INSYN2A: variants seen among roughly 807,000 people sequenced by gnomAD.
The protein encoded by INSYN2A is family with sequence similarity 196 member A.
Under a neutral mutation model 39.4 loss-of-function variants are expected in INSYN2A, and 17 were observed. The ratio of observed to expected loss-of-function variants is 0.43; its 90% CI spans 0.30 to 0.65. The LOEUF (loss-of-function observed/expected upper bound fraction) is 0.65. Ranked by LOEUF, INSYN2A falls within the 30% of genes least tolerant of loss-of-function variation. The probability of loss-of-function intolerance (pLI) is 0.14; values close to 1 mark genes in which losing one functional copy is unlikely to be tolerated. For synonymous variants in INSYN2A, 255 were observed against 265.7 expected, an observed-to-expected ratio of 0.96 and a Z score of 0.39; for missense variants, 595 against 631.2, an observed-to-expected ratio of 0.94 and a Z score of 0.61.
chr10:127,181,331 G>A (rs543286270), intron 2 of INSYN2A, among the ~76,000 whole-genome samples: 1 of 152,284 alleles, frequency 6.6e-6, no homozygotes, highest in South Asian at 2.1e-4. Flanking sequence ...TAGTCTGAAG[G>A]CAATTTTGTG....
chr10:127,147,474 T>TA (rs1240157287), intron 5 of INSYN2A, among the ~76,000 whole-genome samples: 3 of 152,150 alleles, frequency 2.0e-5, no homozygotes, highest in Non-Finnish European at 4.4e-5. Flanking sequence ...GCCTGCCTTT[T>TA]ACGTCCTTGC....
chr10:127,179,452 GT>G (rs1252727172), intron 2 of INSYN2A, among the ~76,000 whole-genome samples: 1 of 152,162 alleles, frequency 6.6e-6, no homozygotes, highest in African/African-American at 2.4e-5. Flanking sequence ...TAGTAATTGA[GT>G]TCTTATTCTC....
chr10:127,173,865 G>T (rs2054815290), intron 4 of INSYN2A, among the ~76,000 whole-genome samples: 1 of 152,190 alleles, frequency 6.6e-6, no homozygotes, highest in Non-Finnish European at 1.5e-5. Flanking sequence ...GATTACCTAT[G>T]AATCTACTGT....
intron 5 of INSYN2A, among the ~76,000 whole-genome samples, chr10:127,143,596 C>A (rs2051486302): frequency 6.6e-6 from 1 of 152,178 alleles, no homozygotes; most frequent in Admixed American, 6.5e-5. Flanking sequence ...TAGGACCAGC[C>A]ATGTCCCCAA....
intron 2 of INSYN2A, among the ~76,000 whole-genome samples, chr10:127,186,621 G>C (rs1004448407): frequency 6.7e-6 from 1 of 150,298 alleles, no homozygotes; most frequent in African/African-American, 2.5e-5. Context: ...GAGCCAAACC[G>C]TATCAGAGGG....
intron 4 of INSYN2A, among the ~76,000 whole-genome samples, chr10:127,168,227 A>G (rs2054255657): frequency 1.3e-5 from 2 of 152,184 alleles, no homozygotes; most frequent in Admixed American, 1.3e-4. Context: ...AGTGCATGGG[A>G]GGCTGACCTC....
chr10:127,189,928 T>C (rs938432899), intron 2 of INSYN2A, among the ~76,000 whole-genome samples: 1 of 152,220 alleles, frequency 6.6e-6, no homozygotes, highest in Non-Finnish European at 1.5e-5. Flanking sequence ...CGACGTCAAA[T>C]TGAGATGTGA....
In INSYN2A at chr10:127,175,719, C is replaced by T; in HGVS notation, c.677G>A (p.Gly226Glu). 1 of 1,614,042 alleles carries T rather than the reference C, an allele frequency of 6.2e-7. No homozygotes were observed. Among genetic ancestry groups the T allele is most frequent in the Non-Finnish European group, 8.5e-7 (1 of 1,180,034 alleles). ...PSEEPDYQLL[G>E]RAKQDRGRPN... Reference sequence around the variant, plus strand: ...CCTCCCCCGGTCCTGCTTGGCCCTCCCGAGCAGCTGGTAATCGGGCTCTTC... The same window carrying T: ...CCTCCCCCGGTCCTGCTTGGCCCTCTCGAGCAGCTGGTAATCGGGCTCTTC... Residue 226 changes from glycine to glutamate, a missense_variant, in exon 4 of 6, where the codon GGG becomes GAG. Gly to Glu is a moderately conservative substitution (Grantham distance 98). Transcript: ENST00000522781. The surrounding 1 kb of genome is among the most constrained non-coding windows in gnomAD (Gnocchi z 6.3).
intron 2 of INSYN2A, among the ~76,000 whole-genome samples, chr10:127,191,626 C>T (rs750154806): frequency 1.1e-4 from 16 of 152,126 alleles, no homozygotes; most frequent in Non-Finnish European, 2.2e-4. Context: ...CAAGATCCTT[C>T]CTAGAGAAGA....
In INSYN2A at chr10:127,137,664, T is replaced by G. The variant is rs2050815954; in HGVS notation, c.*173A>C. The G allele has an allele frequency of 1.9e-6, 1 of 538,904 alleles. No homozygotes were observed. Among genetic ancestry groups the G allele is most frequent in the Non-Finnish European group, 3.2e-6 (1 of 310,336 alleles). 33.4% of individuals were successfully genotyped at this position (538,904 alleles called of 1,614,324 possible). On this transcript the variant is annotated 3_prime_UTR_variant, in exon 6 of 6. Transcript: ENST00000522781. ...CTGGCAAGGAGTGACACAGAATACC[T>G]TGCTTCTGTTAATTATCTATTGGTA...
Position 127,175,133 on chromosome 10 carries a change from G to T in INSYN2A, c.1184+79C>A. ...AAATGCTGGCTTTAGTCTCATTACA[G>T]ACTTGGGTTTGGGGCTACAGATGGA... On this transcript the variant is annotated intron_variant, in intron 4 of 5. Transcript: ENST00000522781. This position sits in a 1 kb window ranked among gnomAD's most constrained non-coding sequence, Gnocchi z 6.3. The T allele has an allele frequency of 8.0e-7, 1 of 1,249,952 alleles. No individual in the cohort carries two copies. The highest frequency in any genetic ancestry group is 1.1e-6 in the Non-Finnish European group (1 of 880,448). 77.4% of individuals were successfully genotyped at this position (1,249,952 alleles called of 1,614,324 possible).
chr10:127,163,254 C>G (rs772711763), intron 4 of INSYN2A, among the ~76,000 whole-genome samples: 3 of 152,184 alleles, frequency 2.0e-5, no homozygotes, highest in Non-Finnish European at 2.9e-5. Flanking sequence ...TGAGGTGCAT[C>G]AGCAATGCCT....
intron 4 of INSYN2A, among the ~76,000 whole-genome samples, chr10:127,173,556 G>A (rs570263730): frequency 6.6e-6 from 1 of 152,300 alleles, no homozygotes; most frequent in East Asian, 1.9e-4. Context: ...ATGCACATTA[G>A]TGTACATATT....
intron 4 of INSYN2A, among the ~76,000 whole-genome samples, chr10:127,174,123 G>T (rs2054841593): frequency 6.6e-6 from 1 of 152,236 alleles, no homozygotes; most frequent in African/African-American, 2.4e-5. Context: ...TTTGTGCCCA[G>T]GTGGTTTTCT....
At chr10:127,169,217 C>T (rs1416116254) in intron 4 of INSYN2A, among the ~76,000 whole-genome samples, 1 of 152,146 alleles carries the variant, frequency 6.6e-6, no homozygotes, top group Non-Finnish European at 1.5e-5. Flanking sequence ...AGTTCCAAAG[C>T]AGGACCCCAG....
intron 2 of INSYN2A, among the ~76,000 whole-genome samples, chr10:127,180,080 A>G (rs1429706952): frequency 6.6e-6 from 1 of 152,140 alleles, no homozygotes; most frequent in Non-Finnish European, 1.5e-5. Flanking sequence ...GCCCTAACCC[A>G]CTACCCCTGC....
intron 4 of INSYN2A, among the ~76,000 whole-genome samples, chr10:127,158,137 GA>G (rs1265134982): frequency 2.0e-5 from 3 of 152,202 alleles, no homozygotes; most frequent in Non-Finnish European, 4.4e-5. Flanking sequence ...AAATAGAGAT[GA>G]AACAGATAAG....
intron 4 of INSYN2A, among the ~76,000 whole-genome samples, chr10:127,169,453 A>G (rs181587857): frequency 2.0e-5 from 3 of 152,360 alleles, no homozygotes; most frequent in Non-Finnish European, 2.9e-5. Flanking sequence ...GCCTGCACCC[A>G]TATTCTGGCC....
intron 4 of INSYN2A, among the ~76,000 whole-genome samples, chr10:127,170,576 A>G (rs1477091448): frequency 3.9e-5 from 6 of 152,202 alleles, no homozygotes; most frequent in African/African-American, 7.2e-5. Flanking sequence ...AGAGGCAAAG[A>G]GCGCTGTCGG....
Sources: gnomAD v4.1 joint callset for allele counts (sites outside exome capture counted in the v4.1 genomes callset) on GRCh38, gnomAD v4.1.1 for gene constraint, Gnocchi (gnomAD v3.1) non-coding constraint, MANE v1.5 for transcripts, NCBI Gene and HGNC (gene_info 2026-07-23, HGNC 2026-07-21) for gene names.